MAGI3: variants seen among roughly 807,000 people sequenced by gnomAD.
The protein encoded by MAGI3 is membrane-associated guanylate kinase, WW and PDZ domain-containing protein 3.
MAGI3 carries 43 observed loss-of-function variants against 121.8 expected under a neutral mutation model. The ratio of observed to expected loss-of-function variants is 0.35; its 90% confidence interval spans 0.28 to 0.46. MAGI3 has a LOEUF of 0.46. Ranked by LOEUF, MAGI3 falls within the 20% of genes least tolerant of loss-of-function variation. The pLI is 1.00. For missense variants in MAGI3, 1,547 were observed against 1,797.3 expected (o/e 0.86, Z 2.52); for synonymous variants, 553 against 639.3 (o/e 0.86, Z 2.04).
intron 1 of MAGI3, among the ~76,000 whole-genome samples, chr1:113,530,063 G>A (rs1323167890): frequency 6.6e-6 from 1 of 151,962 alleles, no homozygotes; most frequent in Non-Finnish European, 1.5e-5. Context: ...GTGCCATTTG[G>A]TTTCTTCTAG....
At chr1:113,481,868 G>A (rs1385654877) in intron 1 of MAGI3, among the ~76,000 whole-genome samples, 1 of 152,034 alleles carries the variant, frequency 6.6e-6, no homozygotes, top group East Asian at 1.9e-4. Flanking sequence ...AGATGTCACA[G>A]GACTATATTC....
intron 2 of MAGI3, among the ~76,000 whole-genome samples, chr1:113,570,232 T>TA (rs1647224757): frequency 6.6e-6 from 1 of 152,210 alleles, no homozygotes; most frequent in South Asian, 2.1e-4. Flanking sequence ...CATCCCTTTT[T>TA]ATGGCTGGAT....
chr1:113,506,959 A>G (rs1657364832), intron 1 of MAGI3, among the ~76,000 whole-genome samples: 1 of 152,106 alleles, frequency 6.6e-6, no homozygotes, highest in Non-Finnish European at 1.5e-5. Context: ...AAAACTCTCC[A>G]GATGGGAGAG....
chr1:113,510,149 G>A (rs1011626744), intron 1 of MAGI3, among the ~76,000 whole-genome samples: 12 of 151,932 alleles, frequency 7.9e-5, no homozygotes, highest in African/African-American at 2.4e-4. Flanking sequence ...GTTGTTTTTC[G>A]TGCATAAAAA....
chr1:113,633,238 A>ATTTGTTTTT (rs1651767192), intron 9 of MAGI3, among the ~76,000 whole-genome samples: 1 of 56,642 alleles, frequency 1.8e-5, no homozygotes, highest in African/African-American at 6.7e-5. Flanking sequence ...TGAACTCATC[A>ATTTGTTTTT]TTTTTTTTTT....
At chr1:113,446,132 A>T (rs1481024706) in intron 1 of MAGI3, among the ~76,000 whole-genome samples, 1 of 151,994 alleles carries the variant, frequency 6.6e-6, no homozygotes, top group Non-Finnish European at 1.5e-5. Flanking sequence ...GTAACTCCAC[A>T]TTTTTTTTCT....
chr1:113,564,018 G>A (rs553586370), intron 2 of MAGI3, among the ~76,000 whole-genome samples: 1 of 152,256 alleles, frequency 6.6e-6, no homozygotes, highest in African/African-American at 2.4e-5. Flanking sequence ...ATTCTTTAGA[G>A]TCCTCGTTTA....
intron 1 of MAGI3, among the ~76,000 whole-genome samples, chr1:113,453,519 G>T (rs1654587313): frequency 6.6e-6 from 1 of 151,978 alleles, no homozygotes; most frequent in Non-Finnish European, 1.5e-5. Context: ...ATATTAAATT[G>T]CATAATCACA....
intron 2 of MAGI3, among the ~76,000 whole-genome samples, chr1:113,579,309 T>G (rs1330848856): frequency 6.6e-6 from 1 of 151,512 alleles, no homozygotes; most frequent in Non-Finnish European, 1.5e-5. Flanking sequence ...GAGGTGAGAG[T>G]GGGAAAGGGA....
At chr1:113,486,926 G>C (rs1016072093) in intron 1 of MAGI3, among the ~76,000 whole-genome samples, 2 of 152,074 alleles carry the variant, frequency 1.3e-5, no homozygotes, top group African/African-American at 4.8e-5. Flanking sequence ...GCCCAGGCTG[G>C]TTGCAAACTC....
intron 1 of MAGI3, among the ~76,000 whole-genome samples, chr1:113,472,073 A>G (rs1570723751): frequency 1.3e-5 from 2 of 152,156 alleles, no homozygotes; most frequent in African/African-American, 4.8e-5. Context: ...ATTTTGTCTG[A>G]CGTAAGAATA....
Position 113,671,852 on chromosome 1 carries a change from G to GGTTTTT in MAGI3, c.2918+29_2918+34dup. ...CTGGGGACAGGTGGGGCTATTTTCA[G>GGTTTTT]GTTTTTGTTTTTGTTTTTTTCTTAT... On this transcript the variant is annotated intron_variant, in intron 17 of 20. Coordinates refer to ENST00000307546, the MANE Select transcript of MAGI3 (RefSeq NM_001142782.2). 1 of 1,612,118 alleles carries GGTTTTT rather than the reference G, an allele frequency of 6.2e-7. No homozygotes were observed. Among genetic ancestry groups the GGTTTTT allele is most frequent in the Non-Finnish European group, 8.5e-7 (1 of 1,178,416 alleles).
At chr1:113,562,830 C>T (rs1360690193) in intron 2 of MAGI3, among the ~76,000 whole-genome samples, 3 of 152,156 alleles carry the variant, frequency 2.0e-5, no homozygotes, top group Admixed American at 2.0e-4. Flanking sequence ...GCATGTACCC[C>T]TGAACTTAAA....
At chr1:113,436,910 G>A (rs1653594895) in intron 1 of MAGI3, among the ~76,000 whole-genome samples, 1 of 151,080 alleles carries the variant, frequency 6.6e-6, no homozygotes, top group African/African-American at 2.4e-5. Flanking sequence ...TGCCTCCCAG[G>A]TTCAGGCAAT....
At chr1:113,456,117 A>ATTTTTTTTT (rs35038942) in intron 1 of MAGI3, among the ~76,000 whole-genome samples, 444 of 113,098 alleles carry the variant, frequency 3.9e-3, no homozygotes, top group Non-Finnish European at 5.1e-3. Flanking sequence ...CGCCCGGCTA[A>ATTTTTTTTT]TTTTTTTTTT....
chr1:113,674,440 AAAACTT>A lies in MAGI3; in HGVS notation c.3189+978_3189+983del, dbSNP rs538618243. 2.8e-3 allele frequency among the ~76,000 whole-genome samples: 422 copies of A among 152,068 alleles called. 2 individuals are homozygous for A. The highest frequency in any genetic ancestry group is 8.8e-3 in the African/African-American group (366 of 41,524). ...TGCTGTCTTCAATTTAAAAAAAAAA[AAAACTT>A]AACTCACTGGCATTCAGTTAGGTGA... On this transcript the variant is annotated intron_variant, in intron 19 of 20. Coordinates refer to ENST00000307546, the MANE Select transcript of MAGI3 (RefSeq NM_001142782.2).
intron 1 of MAGI3, among the ~76,000 whole-genome samples, chr1:113,541,080 G>T (rs941694379): frequency 6.6e-6 from 1 of 152,080 alleles, no homozygotes; most frequent in African/African-American, 2.4e-5. Flanking sequence ...AATAAAGGAA[G>T]GATGAAGTGG....
intron 1 of MAGI3, among the ~76,000 whole-genome samples, chr1:113,475,896 A>G (rs987098978): frequency 6.6e-6 from 1 of 152,090 alleles, no homozygotes; most frequent in Non-Finnish European, 1.5e-5. Flanking sequence ...TTTTTGCCTC[A>G]ATTTCAGAGT....
At chr1:113,576,369 C>T (rs987653157) in intron 2 of MAGI3, among the ~76,000 whole-genome samples, 14 of 152,174 alleles carry the variant, frequency 9.2e-5, no homozygotes, top group Non-Finnish European at 2.9e-5. Context: ...AGTATTTGGG[C>T]CAGGTAGCAC....
Sources: allele counts gnomAD v4.1 joint callset (sites outside exome capture counted in the v4.1 genomes callset), GRCh38; gene constraint gnomAD v4.1.1; transcripts MANE v1.5; gene names NCBI Gene and HGNC (gene_info 2026-07-23, HGNC 2026-07-21).